SNAPC4: variants seen among roughly 807,000 people sequenced by gnomAD.
SNAPC4 encodes snRNA-activating protein complex subunit 4.
In SNAPC4, 127 loss-of-function variants were observed where a neutral mutation model predicts 151.3. That is an observed-to-expected ratio of 0.84 (90% CI 0.73 to 0.97). The LOEUF (loss-of-function observed/expected upper bound fraction) is 0.97, where lower values mean the gene tolerates loss of function less well. Ranked by LOEUF, SNAPC4 falls within the 50% of genes least tolerant of loss-of-function variation. The pLI is 0.00. For missense variants in SNAPC4, 2,186 were observed against 1,935.0 expected (o/e 1.13, Z -2.43); for synonymous variants, 1,002 against 824.4 (o/e 1.22, Z -3.69).
At position 136,378,832 on chromosome 9, in the gene SNAPC4, T is replaced by C. The variant is rs756339561; in HGVS notation, c.2995A>G (p.Thr999Ala). The stretch of plus-strand genomic sequence containing the variant: ...GGGGCTTGGGAAGCAGCAGGGGCTG[T>C]GCCCTCGGCCTCTGAGAAGACAGGA... ...LAPVFSEAEG[T>A]APAASQAPAL... Residue 999 changes from threonine (T) to alanine (A), a missense_variant, in exon 22 of 24, where the codon ACA becomes GCA. Physicochemically the swap from Thr to Ala is moderately conservative, Grantham distance 58. Transcript: ENST00000684778. 6.2e-7 allele frequency: 1 copy of C among 1,601,658 alleles called. No individual in the cohort carries two copies.
In SNAPC4 at chr9:136,383,606, G is replaced by A. The variant is rs1254513943; in HGVS notation, c.1563C>T (p.Thr521=). The A allele has an allele frequency of 2.5e-6, 4 of 1,612,042 alleles. 1 individual carries two copies. Among genetic ancestry groups the A allele is most frequent in the African/African-American group, 1.3e-5 (1 of 74,920 alleles). ...TGCCACTGCTGCTGCCGCTGCTGCT[G>A]GTAGAGCTCCACCGGACGCTGTGAC... The part of the protein sequence containing the change: ...RARHSVRWSS[T]SSSGSSSGSS... Residue 521 remains threonine, a synonymous_variant, in exon 16 of 24, where the codon ACC becomes ACT. Coordinates refer to ENST00000684778, the MANE Select transcript of SNAPC4 (RefSeq NM_003086.4). The surrounding 1 kb of genome is among the most constrained non-coding windows in gnomAD (Gnocchi z 4.2).
At chr9:136,398,502 A>T in intron 1 of SNAPC4, 65 bp from the exon 2 acceptor site, 1 of 1,570,484 alleles carries the variant, frequency 6.4e-7, no homozygotes, top group Non-Finnish European at 8.7e-7. Flanking sequence ...ATTCTCCTTC[A>T]GACACACCCG....
chr9:136,390,578 A>AG (rs1834035890), intron 10 of SNAPC4, among the ~76,000 whole-genome samples: 2 of 139,496 alleles, frequency 1.4e-5, no homozygotes, highest in Non-Finnish European at 3.1e-5. Context: ...AAAAAAAAAA[A>AG]GGAAAGAAAA....
At position 136,377,954 on chromosome 9, in the gene SNAPC4, C is replaced by A; in HGVS notation, c.3873G>T (p.Gly1291=). 1 of 1,601,626 alleles carries A rather than the reference C, an allele frequency of 6.2e-7. No homozygotes were observed. ...ATQQWLGGQR[G]VRVPLLGSRL... ...TGCTGCCCAGAAGAGGCACACGCACCCCCCGCTGGCCCCCCAGCCACTGCT... is the reference window on the plus strand; with the variant it reads ...TGCTGCCCAGAAGAGGCACACGCACACCCCGCTGGCCCCCCAGCCACTGCT... The change falls in exon 22 of 24, where the codon GGG becomes GGT. Residue 1291 remains glycine (G), a synonymous_variant. Coordinates refer to ENST00000684778, the MANE Select transcript of SNAPC4 (RefSeq NM_003086.4).
At chr9:136,386,458 C>T (rs1158037447) in intron 13 of SNAPC4, among the ~76,000 whole-genome samples, 10 of 138,570 alleles carry the variant, frequency 7.2e-5, no homozygotes, top group Admixed American at 7.0e-4. Flanking sequence ...TTTTTTGAGA[C>T]GGAGTTTCAC....
In SNAPC4 at chr9:136,383,844, A is replaced by G. The variant is rs1833798042; in HGVS notation, c.1500+109T>C. On this transcript the variant is annotated intron_variant, in intron 15 of 23. Transcript: ENST00000684778. This position sits in a 1 kb window ranked among gnomAD's most constrained non-coding sequence, Gnocchi z 4.2. ...TTGGCCACCCAGAAGAAGAAATGCC[A>G]AGACCAGAAACCGAACGCCCCCCTC... 1 of 1,341,704 alleles carries G rather than the reference A, an allele frequency of 7.5e-7. No individual in the cohort carries two copies. Among genetic ancestry groups the G allele is most frequent in the Non-Finnish European group, 1.1e-6 (1 of 950,498 alleles). The allele number at this position is 1,341,704 out of a possible 1,614,324, so 83.1% of individuals were successfully genotyped here.
intron 23 of SNAPC4, 51 bp downstream of exon 23, chr9:136,376,298 C>T: frequency 6.3e-7 from 1 of 1,597,558 alleles, no homozygotes; most frequent in Non-Finnish European, 8.6e-7. Context: ...CATCTGGACA[C>T]CACTCTGTCC....
rs138223741 is a variant in SNAPC4, at chr9:136,381,899, C to T, written c.2242G>A (p.Val748Met). ...ACAACGTCCCCTACCCAAGGGGTCA[C>T]AGCCAGCAGCAGCCTGCGGTTCAGG... is the stretch of plus-strand genomic sequence containing the variant. ...RLLNRRLLLAVTPWVGDVVVP... is the reference protein window; with the variant it reads ...RLLNRRLLLAMTPWVGDVVVP... The change falls in exon 18 of 24, where the codon GTG (valine) becomes ATG (methionine). Residue 748 changes from valine to methionine, a missense_variant. Physicochemically the swap from Val to Met is conservative, Grantham distance 21. Transcript: ENST00000684778. 3.4e-3 allele frequency: 5,409 copies of T among 1,612,978 alleles called. 11 individuals are homozygous for T. Among genetic ancestry groups the T allele is most frequent in the Non-Finnish European group, 4.3e-3 (5,037 of 1,180,000 alleles).
chr9:136,383,124 C>A lies in SNAPC4; in HGVS notation c.1983+62G>T. Reference sequence around the variant, plus strand: ...CTGCTGCTGCACTATCCCCAAGCGTCAGCCCTGGCGAGCGAGTGCCGAAAG... The same window carrying A: ...CTGCTGCTGCACTATCCCCAAGCGTAAGCCCTGGCGAGCGAGTGCCGAAAG... On this transcript the variant is annotated intron_variant, in intron 16 of 23. Transcript: ENST00000684778. The surrounding 1 kb of genome is among the most constrained non-coding windows in gnomAD (Gnocchi z 4.2). The A allele has an allele frequency of 6.7e-7, 1 of 1,501,146 alleles. No homozygotes were observed. Among genetic ancestry groups the A allele is most frequent in the South Asian group, 1.4e-5 (1 of 73,838 alleles). The allele number at this position is 1,501,146 out of a possible 1,614,324, so 93.0% of individuals were successfully genotyped here.
intron 7 of SNAPC4, among the ~76,000 whole-genome samples, chr9:136,393,861 T>C (rs1016321418): frequency 6.6e-6 from 1 of 152,262 alleles, no homozygotes; most frequent in African/African-American, 2.4e-5. Context: ...ACAGCTAAGC[T>C]GAACCTCTGC....
In SNAPC4 at chr9:136,379,821, A is replaced by G. The variant is rs371532089; in HGVS notation, c.2527+16T>C. 35 of 1,612,562 alleles carry G rather than the reference A, an allele frequency of 2.2e-5. No homozygotes were observed. Among genetic ancestry groups the G allele is most frequent in the Non-Finnish European group, 2.7e-5 (32 of 1,179,154 alleles). On this transcript the variant is annotated intron_variant, in intron 21 of 23. Coordinates refer to ENST00000684778, the MANE Select transcript of SNAPC4 (RefSeq NM_003086.4). ...GGTTAGGTCTCTTCCCCACCAGGGC[A>G]GAGAAGCAGAGTTACCTGGGGTGCT...
chr9:136,381,712 G>A lies in SNAPC4; in HGVS notation c.2317+112C>T, dbSNP rs1833698710. 8 of 1,365,250 alleles carry A rather than the reference G, an allele frequency of 5.9e-6. No homozygotes were observed. In the East Asian group the frequency reaches 1.4e-4, roughly 24 times the overall value. 84.6% of individuals were successfully genotyped at this position (1,365,250 alleles called of 1,614,324 possible). ...CCAGAGGTGGCGCCCACCCCAAAAA[G>A]ACTCCCCTGCTGAGGCCACTTCCCC... On this transcript the variant is annotated intron_variant, in intron 18 of 23. Transcript: ENST00000684778.
chr9:136,377,552 G>A lies in SNAPC4; in HGVS notation c.4275C>T (p.Cys1425=). 6.6e-7 allele frequency: 1 copy of A among 1,516,176 alleles called. No individual in the cohort carries two copies. Among genetic ancestry groups the A allele is most frequent in the Non-Finnish European group, 8.8e-7 (1 of 1,131,502 alleles). 93.9% of individuals were successfully genotyped at this position (1,516,176 alleles called of 1,614,324 possible). ...TGGGCGCCCACCCTACCTGAATGGG[G>A]CATGTGGCTGTCGTGCAGCCCGGCT... ...DGQPGCTTAT[C]PIQGAPDSGK... Residue 1425 remains cysteine (C), a synonymous_variant, in exon 22 of 24, where the codon TGC becomes TGT. Coordinates refer to ENST00000684778, the MANE Select transcript of SNAPC4 (RefSeq NM_003086.4).
Position 136,376,343 on chromosome 9 carries a change from A to T in SNAPC4, c.*7+6T>A. 1.9e-6 allele frequency: 3 copies of T among 1,612,676 alleles called. No homozygotes were observed. The highest frequency in any genetic ancestry group is 2.5e-6 in the Non-Finnish European group (3 of 1,179,834). ...TAGGGCAGTGGCCTCCCCACTCAGGACTCACCTGCTGCTCACACCAGCCGC... is the reference window on the plus strand; with the variant it reads ...TAGGGCAGTGGCCTCCCCACTCAGGTCTCACCTGCTGCTCACACCAGCCGC... On this transcript the variant is annotated splice_donor_region_variant and intron_variant, in intron 23 of 23. Transcript: ENST00000684778.
chr9:136,383,796 C>T lies in SNAPC4; in HGVS notation c.1501-128G>A, dbSNP rs1000377403. The T allele has an allele frequency of 3.6e-5, 50 of 1,371,908 alleles. No homozygotes were observed. The highest frequency in any genetic ancestry group is 8.7e-5 in the African/African-American group (6 of 69,320). 85.0% of individuals were successfully genotyped at this position (1,371,908 alleles called of 1,614,324 possible). On this transcript the variant is annotated intron_variant, in intron 15 of 23. Transcript: ENST00000684778. The surrounding 1 kb of genome is among the most constrained non-coding windows in gnomAD (Gnocchi z 4.2). ...CTCCGGGGTCAAGAGCAGCCGCTGC[C>T]GAGGCAGGGTCTCCCTTTGCCCTTG...
In SNAPC4 at chr9:136,383,676, G is replaced by A. The variant is rs962451962; in HGVS notation, c.1501-8C>T. 1 of 1,594,124 alleles carries A rather than the reference G, an allele frequency of 6.3e-7. No homozygotes were observed. The highest frequency in any genetic ancestry group is 1.7e-4 in the Middle Eastern group (1 of 5,970). ...CCGGAGACCCTGCTTCTTCTGAGGG[G>A]AGGAAAGAGCTACTTAGAGGCCTTG... On this transcript the variant is annotated splice_region_variant and splice_polypyrimidine_tract_variant and intron_variant, in intron 15 of 23. Coordinates refer to ENST00000684778, the MANE Select transcript of SNAPC4 (RefSeq NM_003086.4). The surrounding 1 kb of genome is among the most constrained non-coding windows in gnomAD (Gnocchi z 4.2).
chr9:136,389,784 C>T (rs1006426845), intron 10 of SNAPC4, among the ~76,000 whole-genome samples: 3 of 152,070 alleles, frequency 2.0e-5, no homozygotes, highest in Non-Finnish European at 4.4e-5. Flanking sequence ...GGGCCCTGCT[C>T]GGGTAGCTGA....
chr9:136,379,421 G>A, intron 21 of SNAPC4, 122 bp from the exon 22 acceptor site: 1 of 1,454,020 alleles, frequency 6.9e-7, no homozygotes. Flanking sequence ...AGCCAAGAGA[G>A]GGTCAAGCGG....
Position 136,382,326 on chromosome 9 carries a change from C to A in SNAPC4, c.1994G>T (p.Arg665Leu). The A allele has an allele frequency of 1.2e-6, 2 of 1,613,104 alleles. No individual in the cohort carries two copies. Among genetic ancestry groups the A allele is most frequent in the African/African-American group, 2.7e-5 (2 of 75,072 alleles). The change falls in exon 17 of 24, where the codon CGT (arginine) becomes CTT (leucine). Residue 665 changes from arginine (R) to leucine (L), a missense_variant. Transcript: ENST00000684778. Reference protein sequence around the residue: ...AEKQALEGGRRLLTVPVETVL... With the variant: ...AEKQALEGGRLLLTVPVETVL... ...GGTCTCCACAGGCACTGTCAGCAGACGCCTCCCACCCTGATGAGAAAGCTG... is the reference window on the plus strand; with the variant it reads ...GGTCTCCACAGGCACTGTCAGCAGAAGCCTCCCACCCTGATGAGAAAGCTG...
Sources: allele counts gnomAD v4.1 joint callset (sites outside exome capture counted in the v4.1 genomes callset), GRCh38; gene constraint gnomAD v4.1.1; non-coding constraint Gnocchi (gnomAD v3.1); transcripts MANE v1.5; gene names NCBI Gene and HGNC (gene_info 2026-07-23, HGNC 2026-07-21).